The following FIP1L1 variants were observed in gnomAD, a reference collection of about 807,000 sequenced individuals.
FIP1L1 encodes the protein pre-mRNA 3'-end-processing factor FIP1.
In FIP1L1, 21 loss-of-function variants were observed where a neutral mutation model predicts 84.6. That is an observed-to-expected ratio of 0.25 (90% CI 0.18 to 0.36). The LOEUF (loss-of-function observed/expected upper bound fraction) is 0.36, where lower values mean the gene tolerates loss of function less well. Ranked by LOEUF, FIP1L1 falls within the 10% of genes least tolerant of loss-of-function variation. FIP1L1 has a pLI of 1.00. For missense variants in FIP1L1, 526 were observed against 751.1 expected, an observed-to-expected ratio of 0.70 and a Z score of 3.50; for synonymous variants, 263 against 242.3, an observed-to-expected ratio of 1.09 and a Z score of -0.80.
intron 17 of FIP1L1, 88 bp from the exon 18 acceptor site, chr4:53,459,214 A>G (rs778824748): frequency 2.0e-5 from 18 of 886,932 alleles, no homozygotes; most frequent in Non-Finnish European, 2.7e-5. Context: ...CCAGTGTTAT[A>G]TTGAGAATTT....
intron 10 of FIP1L1, 36 bp downstream of exon 10, chr4:53,399,875 C>A: frequency 7.6e-7 from 1 of 1,312,730 alleles, no homozygotes; most frequent in Non-Finnish European, 1.1e-6. Context: ...TACTGTACGA[C>A]ATTGGTATCT....
chr4:53,425,858 T>A lies in FIP1L1; in HGVS notation c.924-14T>A, dbSNP rs1440378461. ...ATTAGGTGAAACTGAATTGATTCAA[T>A]TTTTATGTTACAGGAGATTACCTGG... On this transcript the variant is annotated splice_polypyrimidine_tract_variant and intron_variant, in intron 11 of 17. Transcript: ENST00000337488. 3 of 1,592,538 alleles carry A rather than the reference T, an allele frequency of 1.9e-6. No individual in the cohort carries two copies. The highest frequency in any genetic ancestry group is 2.6e-6 in the Non-Finnish European group (3 of 1,165,084).
chr4:53,440,836 T>A, intron 13 of FIP1L1: 1 of 468,822 alleles, frequency 2.1e-6, no homozygotes, highest in Non-Finnish European at 3.8e-6. Context: ...CTGAGAAAAT[T>A]CTTACCTATT....
intron 10 of FIP1L1, among the ~76,000 whole-genome samples, chr4:53,406,478 G>C (rs1295880041): frequency 6.6e-6 from 1 of 152,088 alleles, no homozygotes; most frequent in Non-Finnish European, 1.5e-5. Context: ...CTCTTTTTTG[G>C]TTGTTTCTCT....
At chr4:53,379,347 A>C (rs1736554343) in intron 3 of FIP1L1, 83 bp downstream of exon 3, 1 of 1,186,268 alleles carries the variant, frequency 8.4e-7, no homozygotes, top group East Asian at 2.4e-5. Flanking sequence ...ATTTTCTTAC[A>C]ATCATTGGCT....
rs1478826782 is a variant in FIP1L1, at chr4:53,458,741, G to C, written c.1588G>C (p.Glu530Gln). 1.2e-6 allele frequency: 2 copies of C among 1,613,024 alleles called. No individual in the cohort carries two copies. The highest frequency in any genetic ancestry group is 1.7e-6 in the Non-Finnish European group (2 of 1,179,450). Residue 530 changes from glutamate (E) to glutamine (Q), a missense_variant, in exon 17 of 18, where the codon GAA (glutamate) becomes CAA (glutamine). Glu to Gln is a conservative substitution (Grantham distance 29). Coordinates refer to ENST00000337488, the MANE Select transcript of FIP1L1 (RefSeq NM_030917.4). ...ASREKEERHRERRHREKEETR... is the reference protein window; with the variant it reads ...ASREKEERHRQRRHREKEETR... ...TCGAGAAAAAGAAGAACGACATAGA[G>C]AAAGACGACACAGGGAGAAAGAGGA...
Position 53,399,738 on chromosome 4 carries a change from G to A in FIP1L1, c.714G>A (p.Gln238=). 2.5e-6 allele frequency: 4 copies of A among 1,610,910 alleles called. No homozygotes were observed. The South Asian group carries it at 3.3e-5, about 13-fold the overall frequency. The stretch of plus-strand genomic sequence containing the variant: ...AACCTTTTTTTTTTAAGGTACAGCA[G>A]GGAAGAACTGGAAACTCAGAGAAAG... The part of the protein sequence containing the change: ...DGRFNLFKVQ[Q]GRTGNSEKET... The change falls in exon 10 of 18, where the codon CAG becomes CAA. Residue 238 remains glutamine (Q), a synonymous_variant. Coordinates refer to ENST00000337488, the MANE Select transcript of FIP1L1 (RefSeq NM_030917.4).
intron 3 of FIP1L1, among the ~76,000 whole-genome samples, chr4:53,380,606 G>C (rs1164037805): frequency 2.0e-5 from 3 of 152,128 alleles, no homozygotes; most frequent in Non-Finnish European, 4.4e-5. Context: ...GTGAGAAATG[G>C]AAGTAGAAAT....
In FIP1L1 at chr4:53,460,436, C is replaced by T. The variant is rs1721746459; in HGVS notation, c.*987C>T. On this transcript the variant is annotated 3_prime_UTR_variant, in exon 18 of 18. Coordinates refer to ENST00000337488, the MANE Select transcript of FIP1L1 (RefSeq NM_030917.4). ...ATACAAAAGTAATCTTAATTAGTATCACATACTAAAAGACAACTATAACTT... is the reference window on the plus strand; with the variant it reads ...ATACAAAAGTAATCTTAATTAGTATTACATACTAAAAGACAACTATAACTT... 1 of 190,456 alleles carries T rather than the reference C, an allele frequency of 5.3e-6. No individual in the cohort carries two copies. Among genetic ancestry groups the T allele is most frequent in the African/African-American group, 2.3e-5 (1 of 42,908 alleles). The allele number at this position is 190,456 out of a possible 1,614,324, so 11.8% of individuals were successfully genotyped here. A position where few individuals can be genotyped will look rare whatever the true frequency, so the allele number is the denominator to read the frequency against.
Position 53,460,235 on chromosome 4 carries a change from T to TAAC in FIP1L1, c.*787_*789dup, listed in dbSNP as rs1553927576. 1 of 193,358 alleles carries TAAC rather than the reference T, an allele frequency of 5.2e-6. No individual in the cohort carries two copies. The highest frequency in any genetic ancestry group is 1.1e-5 in the Non-Finnish European group (1 of 92,740). 12.0% of individuals were successfully genotyped at this position (193,358 alleles called of 1,614,324 possible). On this transcript the variant is annotated 3_prime_UTR_variant, in exon 18 of 18. Transcript: ENST00000337488. ...GCAGCATGAGTTTTTATACAGTTAC[T>TAAC]AACGATTGTGGAAAAAAAGAGCTTT... is the stretch of plus-strand genomic sequence containing the variant.
In FIP1L1 at chr4:53,390,535, G is replaced by A; in HGVS notation, c.412G>A (p.Gly138Arg). 1 of 1,610,096 alleles carries A rather than the reference G, an allele frequency of 6.2e-7. No homozygotes were observed. Among genetic ancestry groups the A allele is most frequent in the Non-Finnish European group, 8.5e-7 (1 of 1,177,292 alleles). ...TTATAAAACAGGGACAAAAGTCAAA[G>A]GAGTAGACCTTGATGCACCTGGAAG... ...VYGTTGTKVK[G>R]VDLDAPGSIN... Residue 138 changes from glycine (G) to arginine (R), a missense_variant, in exon 7 of 18, where the codon GGA becomes AGA. Transcript: ENST00000337488.
At chr4:53,414,467 G>A (rs913102639) in intron 10 of FIP1L1, 148 bp from the exon 11 acceptor site, 5 of 532,350 alleles carry the variant, frequency 9.4e-6, no homozygotes, top group Non-Finnish European at 1.7e-5. Context: ...TAGTACCACA[G>A]CAAGTAGTTT....
rs1394812452 is a variant in FIP1L1 at position 53,460,648 on chromosome 4, T to G, written c.*1199T>G. On this transcript the variant is annotated 3_prime_UTR_variant, in exon 18 of 18. Coordinates refer to ENST00000337488, the MANE Select transcript of FIP1L1 (RefSeq NM_030917.4). ...CAAATCATTTTAGTTGTTTTAGGGC[T>G]TTTTATTGAATAGAAAAAATATAAA... The G allele has an allele frequency of 2.7e-6, 1 of 364,448 alleles. No individual in the cohort carries two copies. The highest frequency in any genetic ancestry group is 4.8e-6 in the Non-Finnish European group (1 of 206,242). The allele number at this position is 364,448 out of a possible 1,614,324, so 22.6% of individuals were successfully genotyped here. A position where few individuals can be genotyped will look rare whatever the true frequency, so the allele number is the denominator to read the frequency against.
At chr4:53,451,638 C>A (rs1335375229) in intron 15 of FIP1L1, among the ~76,000 whole-genome samples, 5 of 147,876 alleles carry the variant, frequency 3.4e-5, no homozygotes, top group African/African-American at 1.3e-4. Context: ...TGTGTAGTTA[C>A]ATATAATTTG....
At chr4:53,414,097 G>A (rs566806375) in intron 10 of FIP1L1, among the ~76,000 whole-genome samples, 2 of 151,988 alleles carry the variant, frequency 1.3e-5, no homozygotes, top group Non-Finnish European at 2.9e-5. Context: ...TAACTTTTTT[G>A]GGAACTTTAC....
chr4:53,424,087 G>GAATA (rs1763432379), intron 11 of FIP1L1, among the ~76,000 whole-genome samples: 2 of 152,044 alleles, frequency 1.3e-5, no homozygotes, highest in Admixed American at 1.3e-4. Context: ...TTCTTGATGG[G>GAATA]AATAAATTTA....
chr4:53,427,970 A>G, intron 12 of FIP1L1, 57 bp from the exon 13 acceptor site: 1 of 1,321,062 alleles, frequency 7.6e-7, no homozygotes, highest in Non-Finnish European at 1.0e-6. Context: ...TAATTTACTA[A>G]GATTAATCTT....
rs183370820 is a variant in FIP1L1, at chr4:53,455,685, G to A, written c.1499+2552G>A. 1.9e-3 allele frequency among the ~76,000 whole-genome samples: 283 copies of A among 151,866 alleles called. 2 individuals carry two copies. Among genetic ancestry groups the A allele is most frequent in the Non-Finnish European group, 1.2e-3 (79 of 67,908 alleles). The stretch of plus-strand genomic sequence containing the variant: ...ATAACAAATTACTGAGTTTATTTTG[G>A]TGCAAAAAAAATTGATATCGATGCA... On this transcript the variant is annotated intron_variant, in intron 16 of 17. Coordinates refer to ENST00000337488, the MANE Select transcript of FIP1L1 (RefSeq NM_030917.4).
At chr4:53,400,535 A>G (rs1214882252) in intron 10 of FIP1L1, among the ~76,000 whole-genome samples, 3 of 152,154 alleles carry the variant, frequency 2.0e-5, no homozygotes, top group Non-Finnish European at 2.9e-5. Flanking sequence ...TAACCCAACT[A>G]TTACTAGTTC....
Sources: gnomAD v4.1 joint callset for allele counts (sites outside exome capture counted in the v4.1 genomes callset) on GRCh38, gnomAD v4.1.1 for gene constraint, MANE v1.5 for transcripts, NCBI Gene and HGNC (gene_info 2026-07-23, HGNC 2026-07-21) for gene names.